Variants in MYO5A observed in about 807,000 individuals in gnomAD.
MYO5A encodes myosin VA.
MYO5A carries 98 observed loss-of-function variants against 249.7 expected under a neutral mutation model. That is an observed-to-expected ratio of 0.39 (90% CI 0.33 to 0.46). The LOEUF is 0.46. Ranked by LOEUF, MYO5A falls within the 20% of genes least tolerant of loss-of-function variation. The pLI is 0.98. For synonymous variants in MYO5A, 778 were observed against 810.6 expected, an observed-to-expected ratio of 0.96 and a Z score of 0.68; for missense variants, 1,696 against 2,308.8, an observed-to-expected ratio of 0.73 and a Z score of 5.44.
intron 18 of MYO5A, among the ~76,000 whole-genome samples, chr15:52,378,323 C>G (rs984169257): frequency 6.6e-6 from 1 of 151,690 alleles, no homozygotes; most frequent in Admixed American, 6.6e-5. Context: ...GAGTTCAAGA[C>G]CAGCCTGGCC....
chr15:52,476,752 C>T (rs181287317), intron 1 of MYO5A, among the ~76,000 whole-genome samples: 55 of 152,226 alleles, frequency 3.6e-4, no homozygotes, highest in African/African-American at 9.9e-4. Context: ...GAGTTTCTGC[C>T]GAGAGATCTG....
chr15:52,432,473 C>T (rs1398929025), intron 2 of MYO5A, among the ~76,000 whole-genome samples: 1 of 152,232 alleles, frequency 6.6e-6, no homozygotes, highest in Non-Finnish European at 1.5e-5. Context: ...AAGCACTCAT[C>T]TTAGAGTCAT....
chr15:52,457,950 C>T (rs1356960910), intron 1 of MYO5A, among the ~76,000 whole-genome samples: 1 of 152,118 alleles, frequency 6.6e-6, no homozygotes, highest in Non-Finnish European at 1.5e-5. Context: ...CTTGTCGTTG[C>T]AGCAGCATGG....
intron 37 of MYO5A, 132 bp from the exon 38 acceptor site, chr15:52,321,641 C>T: frequency 1.0e-6 from 1 of 965,018 alleles, no homozygotes; most frequent in South Asian, 1.3e-5. Context: ...AATGCCAGGA[C>T]TGACATTCTC....
At chr15:52,390,160 G>A (rs537518699) in intron 12 of MYO5A, among the ~76,000 whole-genome samples, 175 of 152,236 alleles carry the variant, frequency 1.1e-3, no homozygotes, top group African/African-American at 4.1e-3. Context: ...AGGAGGTTGT[G>A]GGGAGTGCAA....
chr15:52,454,270 A>C (rs945652337), intron 1 of MYO5A, among the ~76,000 whole-genome samples: 8 of 152,162 alleles, frequency 5.3e-5, no homozygotes, highest in Non-Finnish European at 5.9e-5. Flanking sequence ...GTAACAAAGA[A>C]GGTCACTATA....
chr15:52,323,308 G>A (rs1489491004), intron 37 of MYO5A, 47 bp downstream of exon 37: 4 of 1,513,936 alleles, frequency 2.6e-6, no homozygotes, highest in Non-Finnish European at 3.7e-6. Flanking sequence ...CCTTAAAAAG[G>A]TCAGAGAAAG....
intron 22 of MYO5A, among the ~76,000 whole-genome samples, chr15:52,369,495 G>A (rs758131148): frequency 3.3e-5 from 5 of 152,120 alleles, no homozygotes; most frequent in East Asian, 1.9e-4. Flanking sequence ...AATTTGAAGC[G>A]TGCAAGTACT....
At chr15:52,476,335 A>G (rs2076592299) in intron 1 of MYO5A, among the ~76,000 whole-genome samples, 1 of 151,648 alleles carries the variant, frequency 6.6e-6, no homozygotes, top group African/African-American at 2.4e-5. Flanking sequence ...ATGGGTCTTG[A>G]CTCTTTATCA....
At chr15:52,387,039 G>T (rs543951630) in intron 14 of MYO5A, among the ~76,000 whole-genome samples, 2 of 152,114 alleles carry the variant, frequency 1.3e-5, no homozygotes, top group African/African-American at 2.4e-5. Context: ...TAATCTAGAA[G>T]AATTCACATG....
intron 1 of MYO5A, among the ~76,000 whole-genome samples, chr15:52,527,239 T>C (rs922419421): frequency 2.6e-5 from 4 of 152,230 alleles, no homozygotes; most frequent in Admixed American, 1.3e-4. Flanking sequence ...TATTTCTTAA[T>C]ATCGACCTCA....
At chr15:52,378,419 G>A (rs938427459) in intron 18 of MYO5A, among the ~76,000 whole-genome samples, 1 of 149,326 alleles carries the variant, frequency 6.7e-6, no homozygotes, top group African/African-American at 2.5e-5. Context: ...TACTGGGGGG[G>A]CTGAGGTAGG....
chr15:52,406,064 G>A (rs114711659), intron 8 of MYO5A, among the ~76,000 whole-genome samples: 1 of 152,284 alleles, frequency 6.6e-6, no homozygotes, highest in African/African-American at 2.4e-5. Context: ...GAAGGATAAG[G>A]CAGGATGAGA....
intron 34 of MYO5A, 31 bp downstream of exon 34, chr15:52,336,432 A>G: frequency 7.1e-7 from 1 of 1,414,202 alleles, no homozygotes; most frequent in Non-Finnish European, 9.9e-7. Flanking sequence ...ACCAAGACTC[A>G]GTGACCGTCT....
intron 4 of MYO5A, among the ~76,000 whole-genome samples, chr15:52,420,551 CAAT>C (rs920229103): frequency 4.6e-5 from 7 of 151,958 alleles, no homozygotes; most frequent in African/African-American, 9.7e-5. Context: ...GCATCCACAA[CAAT>C]GAGCCAAATA....
chr15:52,458,729 G>T (rs1431738679), intron 1 of MYO5A, among the ~76,000 whole-genome samples: 1 of 151,000 alleles, frequency 6.6e-6, no homozygotes, highest in Non-Finnish European at 1.5e-5. Flanking sequence ...AATATCACAG[G>T]TACCTCACAA....
At chr15:52,488,934 C>T (rs1489414450) in intron 1 of MYO5A, among the ~76,000 whole-genome samples, 1 of 152,118 alleles carries the variant, frequency 6.6e-6, no homozygotes, top group Non-Finnish European at 1.5e-5. Flanking sequence ...AACAACTGCC[C>T]ATGGGAGGAG....
At chr15:52,517,244 T>G (rs1254989366) in intron 1 of MYO5A, among the ~76,000 whole-genome samples, 1 of 152,198 alleles carries the variant, frequency 6.6e-6, no homozygotes, top group East Asian at 1.9e-4. Context: ...CTAGGGAGAC[T>G]TGAATTCTAA....
chr15:52,336,694 TAAA>T (rs1314464186), intron 33 of MYO5A, 138 bp from the exon 34 acceptor site: 2 of 684,230 alleles, frequency 2.9e-6, no homozygotes, highest in East Asian at 5.4e-5. Flanking sequence ...ACCACCTGGC[TAAA>T]ATTGGCAGGC....
Sources: gnomAD v4.1 joint callset for allele counts (sites outside exome capture counted in the v4.1 genomes callset) on GRCh38, gnomAD v4.1.1 for gene constraint, MANE v1.5 for transcripts, NCBI Gene and HGNC (gene_info 2026-07-23, HGNC 2026-07-21) for gene names.